ZNF791: variants seen among roughly 807,000 people sequenced by gnomAD.
ZNF791 encodes the protein zinc finger protein 791.
ZNF791 carries 4 observed loss-of-function variants against 11.5 expected under a neutral mutation model. The observed-to-expected ratio is 0.35, with a 90% CI of 0.17 to 0.80. The LOEUF (loss-of-function observed/expected upper bound fraction) is 0.80, where lower values mean the gene tolerates loss of function less well. Ranked by LOEUF, ZNF791 falls within the 30% of genes least tolerant of loss-of-function variation. The pLI, the probability that ZNF791 is intolerant of heterozygous loss-of-function variation, is 0.53. For synonymous variants in ZNF791, 212 were observed against 228.1 expected (o/e 0.93, Z 0.64); for missense variants, 559 against 699.4 (o/e 0.80, Z 2.26).
intron 1 of ZNF791, among the ~76,000 whole-genome samples, chr19:12,614,443 A>G (rs536904384): frequency 1.3e-3 from 191 of 151,526 alleles, no homozygotes; most frequent in South Asian, 6.3e-3. Context: ...CACCGTGTTG[A>G]CCAGGCTGGT....
rs781620595 is a variant in ZNF791 at position 12,633,210 on chromosome 19, C to A, written c.*3950C>A. 1 of 151,988 alleles carries A rather than the reference C, an allele frequency of 6.6e-6. No individual in the cohort carries two copies. Among genetic ancestry groups the A allele is most frequent in the Non-Finnish European group, 1.5e-5 (1 of 67,994 alleles). The allele number at this position is 151,988 out of a possible 1,614,324, so 9.4% of individuals were successfully genotyped here. A position where few individuals can be genotyped will look rare whatever the true frequency, so the allele number is the denominator to read the frequency against. On this transcript the variant is annotated 3_prime_UTR_variant, in exon 4 of 4. Transcript: ENST00000343325. ...GTGAAGTTTATCATATATTCTTATG[C>A]GAATTATTATTTTCGCCTTTTTTTT...
Position 12,629,022 on chromosome 19 carries a change from G to GAA in ZNF791, c.1493_1494insAA (p.Cys498Ter). 1.2e-6 allele frequency: 2 copies of GAA among 1,613,752 alleles called. No individual in the cohort carries two copies. Among genetic ancestry groups the GAA allele is most frequent in the Non-Finnish European group, 1.7e-6 (2 of 1,179,934 alleles). ...CACACTGGGGAGAAACCTTATGAAT[G>GAA]TAAGGAATGCGGGAAGGCCTTTATT... ...RTHTGEKPYE[C>*]KECGKAFIYP... Residue 498 changes from cysteine (C) to a stop codon, truncating the protein, a stop_gained and frameshift_variant, in exon 4 of 4, where the codon TGT becomes TGAAT. Coordinates refer to ENST00000343325, the MANE Select transcript of ZNF791 (RefSeq NM_153358.3). LOFTEE classifies it low-confidence loss of function (END_TRUNC).
Position 12,629,509 on chromosome 19 carries a change from G to A in ZNF791, c.*249G>A, listed in dbSNP as rs1468555747. 1 of 318,708 alleles carries A rather than the reference G, an allele frequency of 3.1e-6. No individual in the cohort carries two copies. Among genetic ancestry groups the A allele is most frequent in the Non-Finnish European group, 5.7e-6 (1 of 174,898 alleles). 19.7% of individuals were successfully genotyped at this position (318,708 alleles called of 1,614,324 possible). On this transcript the variant is annotated 3_prime_UTR_variant, in exon 4 of 4. Coordinates refer to ENST00000343325, the MANE Select transcript of ZNF791 (RefSeq NM_153358.3). ...TTCTATCAACCGCAATTTAGTAGCA[G>A]TAGTAACACCATAGTGCAGCACATT...
At chr19:12,621,654 TGTATAACAAAAGGGGATA>T (rs2023345528) in intron 1 of ZNF791, among the ~76,000 whole-genome samples, 1 of 148,926 alleles carries the variant, frequency 6.7e-6, no homozygotes, top group Non-Finnish European at 1.5e-5. Flanking sequence ...TGGCCTCTCA[TGTATAACAAAAGGGGATA>T]GAAGATTCTC....
intron 1 of ZNF791, among the ~76,000 whole-genome samples, chr19:12,613,116 C>G (rs1030503121): frequency 6.6e-6 from 1 of 151,996 alleles, no homozygotes; most frequent in Non-Finnish European, 1.5e-5. Flanking sequence ...CACCACTATG[C>G]CCGGCTAATT....
chr19:12,620,417 C>T (rs530676474), intron 1 of ZNF791, among the ~76,000 whole-genome samples: 1 of 152,242 alleles, frequency 6.6e-6, no homozygotes, highest in African/African-American at 2.4e-5. Flanking sequence ...CTCAAACGAT[C>T]TGCCCACCTC....
At chr19:12,618,105 A>T (rs763820185) in intron 1 of ZNF791, among the ~76,000 whole-genome samples, 7 of 151,512 alleles carry the variant, frequency 4.6e-5, no homozygotes, top group Non-Finnish European at 8.8e-5. Context: ...TTTAGTAGAG[A>T]TGGAGTTTCA....
Position 12,628,118 on chromosome 19 carries a change from C to G in ZNF791, c.589C>G (p.Leu197Val). 6.2e-7 allele frequency: 1 copy of G among 1,614,056 alleles called. No individual in the cohort carries two copies. The change falls in exon 4 of 4, where the codon CTT becomes GTT. Residue 197 changes from leucine to valine, a missense_variant. By Grantham distance (32) the Leu-to-Val change is conservative (BLOSUM62 1). Transcript: ENST00000343325. ...TGAATGTAAGCAATGTGGAAAAGCT[C>G]TTAGTTGTTCCAGTTCGCTTCGAGT... Reference protein sequence around the residue: ...PYECKQCGKALSCSSSLRVHE... With the variant: ...PYECKQCGKAVSCSSSLRVHE...
rs1359703358 is a variant in ZNF791 at position 12,633,148 on chromosome 19, C to T, written c.*3888C>T. The T allele has an allele frequency of 6.6e-6, 1 of 152,060 alleles. No individual in the cohort carries two copies. Among genetic ancestry groups the T allele is most frequent in the Non-Finnish European group, 1.5e-5 (1 of 68,000 alleles). The allele number at this position is 152,060 out of a possible 1,614,324, so 9.4% of individuals were successfully genotyped here. Reference sequence around the variant, plus strand: ...AGCTAGAAGAGCCTTATTCCATTTTCCTTTTTATTAAACATCTGGCATAAG... The same window carrying T: ...AGCTAGAAGAGCCTTATTCCATTTTTCTTTTTATTAAACATCTGGCATAAG... On this transcript the variant is annotated 3_prime_UTR_variant, in exon 4 of 4. Transcript: ENST00000343325.
At chr19:12,619,009 A>G (rs1046265160) in intron 1 of ZNF791, among the ~76,000 whole-genome samples, 10 of 151,238 alleles carry the variant, frequency 6.6e-5, no homozygotes, top group Admixed American at 5.9e-4. Context: ...CACCATGCCC[A>G]GCTAATTTTT....
chr19:12,622,406 TCAAA>T (rs200728795), intron 1 of ZNF791, among the ~76,000 whole-genome samples: 481 of 39,012 alleles, frequency 0.012, 8 homozygotes, highest in African/African-American at 0.042. Context: ...AAAGACTGTC[TCAAA>T]CAAAAAAAAA....
intron 1 of ZNF791, among the ~76,000 whole-genome samples, chr19:12,616,203 TTTG>T: frequency 6.6e-6 from 1 of 152,242 alleles, no homozygotes. Flanking sequence ...CATATGTGTA[TTTG>T]CCATCTGTAT....
intron 1 of ZNF791, among the ~76,000 whole-genome samples, chr19:12,615,052 C>T (rs1165601743): frequency 8.1e-6 from 1 of 122,764 alleles, no homozygotes; most frequent in East Asian, 2.5e-4. Flanking sequence ...CAGGGTCCCA[C>T]TCCGTCGCCC....
intron 1 of ZNF791, among the ~76,000 whole-genome samples, chr19:12,612,616 ATTTTTT>A (rs767002893): frequency 9.0e-6 from 1 of 111,540 alleles, no homozygotes; most frequent in African/African-American, 3.5e-5. Context: ...TAATTTTTGT[ATTTTTT>A]TTTTTTTTTT....
rs577802167 is a variant in ZNF791, at chr19:12,617,830, G to C, written c.4-5870G>C. 3.3e-5 allele frequency among the ~76,000 whole-genome samples: 4 copies of C among 121,892 alleles called. No homozygotes were observed. In the South Asian group the frequency reaches 1.1e-3, roughly 33 times the overall value. The allele number at this position is 121,892 out of a possible 152,430, so 80.0% of individuals were successfully genotyped here. A position where few individuals can be genotyped will look rare whatever the true frequency, so the allele number is the denominator to read the frequency against. On this transcript the variant is annotated intron_variant, in intron 1 of 3. Coordinates refer to ENST00000343325, the MANE Select transcript of ZNF791 (RefSeq NM_153358.3). ...TCACCAGGCTGGAATGCAGTGGCAT[G>C]ATCTCAGCCTACTACAACCACCACC...
chr19:12,622,893 CA>C (rs34772341), intron 1 of ZNF791, among the ~76,000 whole-genome samples: 2,354 of 93,660 alleles, frequency 0.025, 56 homozygotes, highest in African/African-American at 0.09. Flanking sequence ...GACTCCGTCT[CA>C]AAAAAAAAAA....
intron 1 of ZNF791, among the ~76,000 whole-genome samples, chr19:12,619,945 A>G (rs1049017238): frequency 7.3e-5 from 11 of 150,340 alleles, no homozygotes; most frequent in African/African-American, 2.7e-4. Flanking sequence ...TTTTTTTGAG[A>G]CGGAGTCTCG....
Position 12,632,061 on chromosome 19 carries a change from C to G in ZNF791, c.*2801C>G, listed in dbSNP as rs1044804591. The G allele has an allele frequency of 6.6e-6, 1 of 151,776 alleles. No individual in the cohort carries two copies. The highest frequency in any genetic ancestry group is 2.4e-5 in the African/African-American group (1 of 41,274). The allele number at this position is 151,776 out of a possible 1,614,324, so 9.4% of individuals were successfully genotyped here. On this transcript the variant is annotated 3_prime_UTR_variant, in exon 4 of 4. Coordinates refer to ENST00000343325, the MANE Select transcript of ZNF791 (RefSeq NM_153358.3). ...CTGCAAGCTCCGCCTCCCGGGTCCA[C>G]GCCATTCTCCTGCCTCAGCCTCCCC...
intron 1 of ZNF791, 101 bp downstream of exon 1, chr19:12,611,183 T>C: frequency 1.3e-6 from 2 of 1,505,784 alleles, no homozygotes; most frequent in East Asian, 4.7e-5. Flanking sequence ...GGCTGGCAGC[T>C]GGAACTCCAA....
Sources: gnomAD v4.1 joint callset for allele counts (sites outside exome capture counted in the v4.1 genomes callset) on GRCh38, gnomAD v4.1.1 for gene constraint, MANE v1.5 for transcripts, NCBI Gene and HGNC (gene_info 2026-07-23, HGNC 2026-07-21) for gene names.